MYO16: variants seen among roughly 807,000 people sequenced by gnomAD.
MYO16 encodes unconventional myosin-XVI.
MYO16 carries 94 observed loss-of-function variants against 205.3 expected under a neutral mutation model. The observed-to-expected ratio is 0.46, with a 90% CI of 0.39 to 0.54. MYO16 has a LOEUF of 0.54. Ranked by LOEUF, MYO16 falls within the 20% of genes least tolerant of loss-of-function variation. MYO16 has a pLI of 0.00. For missense variants in MYO16, 2,315 were observed against 2,387.5 expected (o/e 0.97, Z 0.63); for synonymous variants, 988 against 954.0 (o/e 1.04, Z -0.66).
intron 1 of MYO16, among the ~76,000 whole-genome samples, chr13:108,645,647 A>C (rs578112085): frequency 8.5e-5 from 13 of 152,338 alleles, no homozygotes; most frequent in Admixed American, 1.3e-4. Flanking sequence ...TTTGCTGAGG[A>C]AACATACTGA....
chr13:108,983,091 CA>C (rs1462551116), intron 20 of MYO16, among the ~76,000 whole-genome samples: 2 of 152,056 alleles, frequency 1.3e-5, no homozygotes, highest in Non-Finnish European at 2.9e-5. Flanking sequence ...GCTCTAAGGC[CA>C]AAGACTAAAT....
At chr13:109,194,773 G>A (rs1880075983) in intron 34 of MYO16, among the ~76,000 whole-genome samples, 1 of 152,050 alleles carries the variant, frequency 6.6e-6, no homozygotes, top group South Asian at 2.1e-4. Context: ...TTAGGCTAGG[G>A]GAAGGCAGTG....
At chr13:108,683,295 G>A (rs1309458417) in intron 2 of MYO16, among the ~76,000 whole-genome samples, 2 of 152,064 alleles carry the variant, frequency 1.3e-5, no homozygotes, top group Admixed American at 1.3e-4. Flanking sequence ...ACAATCCCAA[G>A]CAGAGTTGCT....
chr13:109,044,148 A>G (rs201552562), intron 23 of MYO16, among the ~76,000 whole-genome samples: 534 of 151,518 alleles, frequency 3.5e-3, no homozygotes, highest in Admixed American at 5.7e-3. Context: ...GAAAAAAAAA[A>G]TGGTGGCAGC....
chr13:108,536,462 T>C, the MYO16 span, among the ~76,000 whole-genome samples: 2 of 148,398 alleles, frequency 1.3e-5, no homozygotes, highest in African/African-American at 5.0e-5. Context: ...ATTTCATGTA[T>C]TCAGGAGTCA....
At chr13:108,876,481 T>C (rs551933302) in intron 12 of MYO16, among the ~76,000 whole-genome samples, 4 of 152,296 alleles carry the variant, frequency 2.6e-5, no homozygotes, top group African/African-American at 9.6e-5. Context: ...AAACATAGGG[T>C]AAGTACCACT....
Position 108,806,671 on chromosome 13 carries a change from C to T in MYO16, c.742-8C>T, listed in dbSNP as rs897293385. On this transcript the variant is annotated splice_region_variant and splice_polypyrimidine_tract_variant and intron_variant, in intron 6 of 34. Transcript: ENST00000457511. The stretch of plus-strand genomic sequence containing the variant: ...AAAAATGAATAATAAGATGTCTCTT[C>T]GCTGCAGTTACACATGGCGTGTGCG... The T allele has an allele frequency of 1.2e-5, 19 of 1,611,434 alleles. No homozygotes were observed. The African/African-American group carries it at 1.7e-4, about 15-fold the overall frequency.
chr13:109,001,334 G>A (rs1333470242), intron 21 of MYO16, among the ~76,000 whole-genome samples: 2 of 152,052 alleles, frequency 1.3e-5, no homozygotes, highest in East Asian at 1.9e-4. Flanking sequence ...TGCTGACTGC[G>A]GGTCCCAATG....
chr13:108,999,187 A>G (rs1347111532), intron 21 of MYO16, among the ~76,000 whole-genome samples: 1 of 152,224 alleles, frequency 6.6e-6, no homozygotes, highest in Admixed American at 6.5e-5. Flanking sequence ...TAGCTATTAG[A>G]TATCAATATT....
At chr13:108,862,053 A>G (rs7982103) in intron 11 of MYO16, among the ~76,000 whole-genome samples, 2,368 of 152,264 alleles carry the variant, frequency 0.016, 62 homozygotes, top group African/African-American at 0.054. Context: ...TTTAGCATTT[A>G]CAGTTAAGAT....
intron 1 of MYO16, among the ~76,000 whole-genome samples, chr13:108,611,972 CTTTTTTTTTTTTTT>C (rs201871787): frequency 1.1e-5 from 1 of 89,758 alleles, no homozygotes; most frequent in African/African-American, 4.4e-5. Context: ...TTTTTTTTTT[CTTTTTTTTTTTTTT>C]TTTTTTTGAG....
intron 4 of MYO16, among the ~76,000 whole-genome samples, chr13:108,784,160 ATTC>A (rs2138919191): frequency 6.6e-6 from 1 of 152,328 alleles, no homozygotes. Context: ...ACAAAATCTT[ATTC>A]TTGCAGCTTG....
intron 31 of MYO16, among the ~76,000 whole-genome samples, chr13:109,130,456 G>A (rs528815473): frequency 9.2e-5 from 14 of 152,350 alleles, no homozygotes; most frequent in African/African-American, 3.1e-4. Flanking sequence ...AACTAGAGAT[G>A]TATTTCTGCA....
intron 22 of MYO16, among the ~76,000 whole-genome samples, chr13:109,015,378 G>T (rs900899804): frequency 6.6e-6 from 1 of 152,108 alleles, no homozygotes; most frequent in Non-Finnish European, 1.5e-5. Context: ...ATTTTATTGA[G>T]GATTTTCGCA....
Position 109,046,909 on chromosome 13 carries a change from A to G in MYO16, c.2797-7A>G, listed in dbSNP as rs1444038700. On this transcript the variant is annotated splice_polypyrimidine_tract_variant and splice_region_variant and intron_variant, in intron 23 of 34. Transcript: ENST00000457511. ...ATTAGTAATTATGCTGCTTTCTTTT[A>G]TTCTAGGTAATGTATGATGTTGTTG... 6.3e-7 allele frequency: 1 copy of G among 1,596,750 alleles called. No individual in the cohort carries two copies. Among genetic ancestry groups the G allele is most frequent in the South Asian group, 1.1e-5 (1 of 90,590 alleles).
intron 12 of MYO16, among the ~76,000 whole-genome samples, chr13:108,876,536 C>G (rs1357665313): frequency 1.3e-5 from 2 of 152,128 alleles, no homozygotes; most frequent in Non-Finnish European, 2.9e-5. Context: ...TAATGGTTAT[C>G]TTGAAGTTAT....
intron 33 of MYO16, among the ~76,000 whole-genome samples, chr13:109,166,252 A>T (rs1412067219): frequency 6.6e-6 from 1 of 152,242 alleles, no homozygotes; most frequent in Non-Finnish European, 1.5e-5. Flanking sequence ...CAGAAATAGG[A>T]AACTATAAGG....
chr13:108,618,279 C>T (rs1391090951), intron 1 of MYO16, among the ~76,000 whole-genome samples: 2 of 152,150 alleles, frequency 1.3e-5, no homozygotes. Flanking sequence ...TAACTACAGA[C>T]TCTCTCCCAA....
intron 12 of MYO16, among the ~76,000 whole-genome samples, chr13:108,872,457 C>A (rs74119685): frequency 1.3e-5 from 2 of 151,730 alleles, no homozygotes; most frequent in Admixed American, 6.6e-5. Flanking sequence ...TCAGATAATA[C>A]GTTGTATTTG....
Sources: allele counts gnomAD v4.1 joint callset (sites outside exome capture counted in the v4.1 genomes callset), GRCh38; gene constraint gnomAD v4.1.1; transcripts MANE v1.5; gene names NCBI Gene and HGNC (gene_info 2026-07-23, HGNC 2026-07-21).